The following SRBD1 variants were observed in gnomAD, a reference collection of about 807,000 sequenced individuals.
SRBD1 encodes the protein S1 RNA binding domain 1.
In SRBD1, 88 loss-of-function variants were observed where a neutral mutation model predicts 115.3. The ratio of observed to expected loss-of-function variants is 0.76; its 90% confidence interval spans 0.64 to 0.91. SRBD1 has a LOEUF of 0.91. Among genes scored for constraint, SRBD1 ranks in the 40% least tolerant of loss-of-function variants. The probability of loss-of-function intolerance (pLI) is 0.00; values close to 1 mark genes in which losing one functional copy is unlikely to be tolerated. For missense variants in SRBD1, 1,385 were observed against 1,177.4 expected, an observed-to-expected ratio of 1.18 and a Z score of -2.58; for synonymous variants, 509 against 407.7, an observed-to-expected ratio of 1.25 and a Z score of -2.99.
chr2:45,424,860 C>T (rs985191224), intron 16 of SRBD1, among the ~76,000 whole-genome samples: 2 of 152,144 alleles, frequency 1.3e-5, no homozygotes, highest in Non-Finnish European at 2.9e-5. Context: ...CAGAAAAAGA[C>T]TTCACTGCCC....
At chr2:45,495,600 G>A (rs751165984) in intron 14 of SRBD1, among the ~76,000 whole-genome samples, 1 of 151,820 alleles carries the variant, frequency 6.6e-6, no homozygotes, top group Admixed American at 6.6e-5. Context: ...AGTATTTAAT[G>A]GTACCACTAA....
chr2:45,435,917 C>T (rs1255273640), intron 16 of SRBD1, among the ~76,000 whole-genome samples: 2 of 152,068 alleles, frequency 1.3e-5, no homozygotes, highest in Admixed American at 6.5e-5. Context: ...TTCTATGAAA[C>T]CAGCATAACC....
intron 16 of SRBD1, among the ~76,000 whole-genome samples, chr2:45,441,164 C>T (rs1305378965): frequency 4.6e-5 from 7 of 152,118 alleles, no homozygotes; most frequent in Non-Finnish European, 8.8e-5. Flanking sequence ...ACAGGATCCA[C>T]ATTAATGTGG....
At chr2:45,494,476 A>G (rs1328085592) in intron 14 of SRBD1, among the ~76,000 whole-genome samples, 1 of 152,178 alleles carries the variant, frequency 6.6e-6, no homozygotes, top group African/African-American at 2.4e-5. Context: ...AAGCAATGAC[A>G]TTTTATGACA....
At chr2:45,460,492 G>T (rs1669280684) in intron 16 of SRBD1, among the ~76,000 whole-genome samples, 1 of 152,070 alleles carries the variant, frequency 6.6e-6, no homozygotes, top group African/African-American at 2.4e-5. Flanking sequence ...AGGCACAGAA[G>T]GAAATGCTGA....
chr2:45,604,415 T>C (rs751321053), intron 2 of SRBD1, among the ~76,000 whole-genome samples: 14 of 151,980 alleles, frequency 9.2e-5, no homozygotes, highest in Non-Finnish European at 1.3e-4. Context: ...GGCTTAGAAT[T>C]AAGCCTTGAG....
chr2:45,447,979 G>A (rs977704096), intron 16 of SRBD1: 8 of 152,076 alleles, frequency 5.3e-5, no homozygotes, highest in African/African-American at 1.7e-4. Flanking sequence ...ATTAAAGGAT[G>A]CATTTTTAAT....
At chr2:45,406,038 CAAG>C (rs1558556796) in intron 19 of SRBD1, among the ~76,000 whole-genome samples, 1 of 152,110 alleles carries the variant, frequency 6.6e-6, no homozygotes, top group Non-Finnish European at 1.5e-5. Flanking sequence ...ATTAAAGATA[CAAG>C]AGACAGTTAG....
At position 45,562,722 on chromosome 2, in the gene SRBD1, A is replaced by C. The variant is rs750967576; in HGVS notation, c.1340T>G (p.Val447Gly). The C allele has an allele frequency of 6.2e-7, 1 of 1,611,606 alleles. No homozygotes were observed. Among genetic ancestry groups the C allele is most frequent in the Non-Finnish European group, 8.5e-7 (1 of 1,179,440 alleles). ...LAINRGENLK[V>G]LTVKVNISDG... ...AGAAATATTGACCTTAACCGTCAGT[A>C]CCTTCAAATTTTCTCCACGGTTAAT... The change falls in exon 10 of 21, where the codon GTA becomes GGA. Residue 447 changes from valine (V) to glycine (G), a missense_variant. Coordinates refer to ENST00000263736, the MANE Select transcript of SRBD1 (RefSeq NM_018079.5).
At chr2:45,557,822 C>T (rs1202675886) in intron 10 of SRBD1, among the ~76,000 whole-genome samples, 4 of 152,156 alleles carry the variant, frequency 2.6e-5, no homozygotes, top group African/African-American at 9.7e-5. Context: ...GATTCTTCCT[C>T]TAATTCAACA....
chr2:45,572,012 T>C (rs1673034230), intron 9 of SRBD1, among the ~76,000 whole-genome samples: 1 of 152,094 alleles, frequency 6.6e-6, no homozygotes, highest in Non-Finnish European at 1.5e-5. Flanking sequence ...AAAACATTAA[T>C]CTACACGTCT....
intron 9 of SRBD1, chr2:45,569,613 ATTAT>A (rs925647386): frequency 7.2e-5 from 11 of 152,222 alleles, no homozygotes; most frequent in African/African-American, 2.4e-4. Context: ...AAATTTTAAA[ATTAT>A]TTATTGAGAA....
intron 16 of SRBD1, among the ~76,000 whole-genome samples, chr2:45,427,413 A>T (rs1416313706): frequency 6.6e-6 from 1 of 152,184 alleles, no homozygotes; most frequent in Non-Finnish European, 1.5e-5. Context: ...CAGGCTCAAA[A>T]TAAAGGGATG....
chr2:45,589,647 A>G (rs1485023259), intron 4 of SRBD1, among the ~76,000 whole-genome samples: 1 of 152,234 alleles, frequency 6.6e-6, no homozygotes, highest in Non-Finnish European at 1.5e-5. Flanking sequence ...GGCATCATGT[A>G]TGTTATGGGA....
At chr2:45,499,254 T>C (rs1670553706) in intron 14 of SRBD1, among the ~76,000 whole-genome samples, 1 of 152,192 alleles carries the variant, frequency 6.6e-6, no homozygotes, top group African/African-American at 2.4e-5. Context: ...TAGTGATGCT[T>C]AGCATTTCTT....
In SRBD1 at chr2:45,418,436, CAG is replaced by C; in HGVS notation, c.2260_2261del (p.Leu754GlyfsTer28). 2 of 1,613,832 alleles carry C rather than the reference CAG, an allele frequency of 1.2e-6. No homozygotes were observed. The highest frequency in any genetic ancestry group is 1.7e-6 in the Non-Finnish European group (2 of 1,179,928). ...CACACTGTTGGAAGGATTTTGGGCC[CAG>C]CCCTTTCACTTTCTTCAGCTGTTCT... is the stretch of plus-strand genomic sequence containing the variant. ...NREQLKKVKGLGPKSFQQCAG... is the reference protein window; with the variant it reads ...NREQLKKVKGXGPKSFQQCAG... On this transcript the variant is annotated frameshift_variant, in exon 18 of 21. Coordinates refer to ENST00000263736, the MANE Select transcript of SRBD1 (RefSeq NM_018079.5). LOFTEE classifies it high-confidence loss of function.
rs1312493005 is a variant in SRBD1, at chr2:45,488,228, A to C, written c.1966+12T>G. On this transcript the variant is annotated intron_variant, in intron 15 of 20. Transcript: ENST00000263736. ...AAATCACATGTTTTTGTGATGGTCCATAGTTTCTTACCTGCACTTCTCAAA... is the reference window on the plus strand; with the variant it reads ...AAATCACATGTTTTTGTGATGGTCCCTAGTTTCTTACCTGCACTTCTCAAA... 1.2e-6 allele frequency: 2 copies of C among 1,610,916 alleles called. No individual in the cohort carries two copies. Among genetic ancestry groups the C allele is most frequent in the Admixed American group, 1.7e-5 (1 of 59,988 alleles).
At chr2:45,430,847 C>A (rs1668310718) in intron 16 of SRBD1, among the ~76,000 whole-genome samples, 1 of 152,082 alleles carries the variant, frequency 6.6e-6, no homozygotes, top group Non-Finnish European at 1.5e-5. Context: ...TATCATTAGA[C>A]TTAACAGGCA....
At position 45,441,795 on chromosome 2, in the gene SRBD1, G is replaced by A. The variant is rs145224140; in HGVS notation, c.2050-21901C>T. On this transcript the variant is annotated intron_variant, in intron 16 of 20. Transcript: ENST00000263736. ...CAATCTCAATTCCTATTATAGAAAC[G>A]CTTTCTTAGCAGGCATCAATCAACA... is the stretch of plus-strand genomic sequence containing the variant. Among the ~76,000 whole-genome samples the A allele has an allele frequency of 9.7e-4, 147 of 152,242 alleles. 2 individuals carry two copies. In the East Asian group the frequency reaches 0.022, roughly 23 times the overall value.
Sources: gnomAD v4.1 joint callset for allele counts (sites outside exome capture counted in the v4.1 genomes callset) on GRCh38, gnomAD v4.1.1 for gene constraint, MANE v1.5 for transcripts, NCBI Gene and HGNC (gene_info 2026-07-23, HGNC 2026-07-21) for gene names.